Variants in PTPRK observed in about 807,000 individuals in gnomAD.
PTPRK encodes the protein receptor-type tyrosine-protein phosphatase kappa.
A neutral mutation model predicts 178.0 loss-of-function variants in PTPRK; 75 were observed. That is an observed-to-expected ratio of 0.42 (90% CI 0.35 to 0.51). The LOEUF (loss-of-function observed/expected upper bound fraction) is 0.51, where lower values mean the gene tolerates loss of function less well. PTPRK is among the 20% of genes least tolerant of loss of function. The pLI, the probability that PTPRK is intolerant of heterozygous loss-of-function variation, is 0.02. For missense variants in PTPRK, 1,441 were observed against 1,797.8 expected, an observed-to-expected ratio of 0.80 and a Z score of 3.59; for synonymous variants, 637 against 620.6, an observed-to-expected ratio of 1.03 and a Z score of -0.39.
chr6:128,158,410 A>G (rs901956629), intron 7 of PTPRK, among the ~76,000 whole-genome samples: 1 of 151,954 alleles, frequency 6.6e-6, no homozygotes, highest in Non-Finnish European at 1.5e-5. Flanking sequence ...AAAGTATAAT[A>G]ATAAAGAAAA....
intron 13 of PTPRK, among the ~76,000 whole-genome samples, chr6:128,020,739 C>T (rs1773381596): frequency 1.3e-5 from 2 of 152,186 alleles, no homozygotes; most frequent in South Asian, 2.1e-4. Flanking sequence ...TAAAGATGGT[C>T]GACATTTTAA....
rs867371885 is a variant in PTPRK, at chr6:127,991,296, G to A, written c.2977C>T (p.Arg993Trp). ...AAAATTCTTTTTCTTCCTCTTACCCGGCCAACCTCAACTAAATTTGTAACC... is the reference window on the plus strand; with the variant it reads ...AAAATTCTTTTTCTTCCTCTTACCCAGCCAACCTCAACTAAATTTGTAACC... ...VMVTNLVEVG[R>W]VKCYKYWPDD... is the part of the protein sequence containing the mutation. The change falls in exon 20 of 30, where the codon CGG becomes TGG. Residue 993 changes from arginine to tryptophan, a missense_variant and splice_region_variant. Around this residue, in one of 4 missense-constraint regions of PTPRK, gnomAD observed 945 missense variants for 1,080.6 expected, o/e 0.87. Transcript: ENST00000368226. The A allele has an allele frequency of 1.3e-6, 2 of 1,582,712 alleles. No individual in the cohort carries two copies. Among genetic ancestry groups the A allele is most frequent in the Admixed American group, 1.8e-5 (1 of 55,994 alleles).
At chr6:128,126,161 T>C (rs1793340473) in intron 7 of PTPRK, among the ~76,000 whole-genome samples, 3 of 151,902 alleles carry the variant, frequency 2.0e-5, no homozygotes, top group Non-Finnish European at 4.4e-5. Flanking sequence ...CAACCCGTCA[T>C]CTAGGTTTTA....
chr6:128,295,958 C>G (rs34045302), intron 3 of PTPRK, among the ~76,000 whole-genome samples: 1 of 152,072 alleles, frequency 6.6e-6, no homozygotes, highest in Non-Finnish European at 1.5e-5. Flanking sequence ...AGAGTGTGCT[C>G]TAAAGAACAT....
At chr6:127,979,833 A>T (rs1775072114) in intron 25 of PTPRK, among the ~76,000 whole-genome samples, 1 of 152,262 alleles carries the variant, frequency 6.6e-6, no homozygotes, top group Non-Finnish European at 1.5e-5. Context: ...AAATGAAGGC[A>T]GTAAACTGTT....
intron 7 of PTPRK, among the ~76,000 whole-genome samples, chr6:128,148,906 C>G (rs1188042934): frequency 2.0e-5 from 3 of 151,916 alleles, no homozygotes; most frequent in Admixed American, 2.0e-4. Context: ...TTGGTTTATT[C>G]TAGGATCATA....
At chr6:128,384,834 A>T (rs17053278) in intron 2 of PTPRK, among the ~76,000 whole-genome samples, 36 of 151,876 alleles carry the variant, frequency 2.4e-4, no homozygotes, top group African/African-American at 8.2e-4. Context: ...CTCTGTTAAA[A>T]TAACAAATTG....
chr6:128,234,486 C>T (rs972301739), intron 5 of PTPRK, among the ~76,000 whole-genome samples: 2 of 152,162 alleles, frequency 1.3e-5, no homozygotes, highest in Admixed American at 1.3e-4. Context: ...CCAATTAATC[C>T]TTATTCCCCA....
At chr6:128,375,100 T>G (rs1266757240) in intron 2 of PTPRK, among the ~76,000 whole-genome samples, 1 of 146,740 alleles carries the variant, frequency 6.8e-6, no homozygotes, top group Non-Finnish European at 1.5e-5. Context: ...TTATTATTAT[T>G]ATTATCCTTT....
chr6:128,422,695 A>C (rs1159382531), intron 1 of PTPRK, among the ~76,000 whole-genome samples: 2 of 150,946 alleles, frequency 1.3e-5, no homozygotes, highest in Non-Finnish European at 3.0e-5. Flanking sequence ...AAAAAAAAAA[A>C]AAAAAAAAAC....
chr6:128,298,900 T>C (rs1438896239), intron 3 of PTPRK, among the ~76,000 whole-genome samples: 1 of 152,064 alleles, frequency 6.6e-6, no homozygotes, highest in African/African-American at 2.4e-5. Flanking sequence ...AAATAAAGGG[T>C]ATTCAATTAG....
chr6:128,178,510 C>A (rs1473358930), intron 7 of PTPRK, among the ~76,000 whole-genome samples: 1 of 151,738 alleles, frequency 6.6e-6, no homozygotes, highest in Non-Finnish European at 1.5e-5. Flanking sequence ...AAAAGTAATT[C>A]AAACAATAAA....
chr6:127,983,068 T>A (rs1288442493), intron 23 of PTPRK, 88 bp from the exon 24 acceptor site: 1 of 1,392,536 alleles, frequency 7.2e-7, no homozygotes, highest in Non-Finnish European at 9.8e-7. Context: ...AAATTTTCTC[T>A]ATATGGAAAT....
At chr6:128,153,620 T>G (rs1454418001) in intron 7 of PTPRK, among the ~76,000 whole-genome samples, 1 of 151,934 alleles carries the variant, frequency 6.6e-6, no homozygotes, top group Non-Finnish European at 1.5e-5. Context: ...ATCTTTCAAA[T>G]TAACAATGAA....
chr6:127,993,241 C>T (rs1776797902), intron 18 of PTPRK, among the ~76,000 whole-genome samples: 1 of 151,688 alleles, frequency 6.6e-6, no homozygotes, highest in Non-Finnish European at 1.5e-5. Context: ...CAGGGATATG[C>T]AAAAACTATT....
chr6:128,033,678 C>G (rs1358685432), intron 13 of PTPRK, among the ~76,000 whole-genome samples: 2 of 151,984 alleles, frequency 1.3e-5, no homozygotes, highest in African/African-American at 4.8e-5. Flanking sequence ...TTGAGATCAG[C>G]CTGGGCTACG....
At chr6:128,023,756 C>T (rs1249545399) in intron 13 of PTPRK, among the ~76,000 whole-genome samples, 1 of 152,048 alleles carries the variant, frequency 6.6e-6, no homozygotes, top group African/African-American at 2.4e-5. Flanking sequence ...TGGGCTCAAG[C>T]GATCCTCCCA....
At chr6:128,036,786 A>G (rs1261799146) in intron 13 of PTPRK, among the ~76,000 whole-genome samples, 1 of 150,680 alleles carries the variant, frequency 6.6e-6, no homozygotes, top group Non-Finnish European at 1.5e-5. Context: ...CCCAGGCTGG[A>G]GTGCAATGGT....
intron 1 of PTPRK, among the ~76,000 whole-genome samples, chr6:128,418,983 G>C (rs1024977540): frequency 6.6e-5 from 10 of 152,124 alleles, no homozygotes; most frequent in African/African-American, 2.4e-4. Flanking sequence ...AGTCACCTAA[G>C]AGCTATGCCT....
Sources: allele counts gnomAD v4.1 joint callset (sites outside exome capture counted in the v4.1 genomes callset), GRCh38; gene constraint gnomAD v4.1.1; regional missense constraint gnomAD v4.1.1; transcripts MANE v1.5; gene names NCBI Gene and HGNC (gene_info 2026-07-23, HGNC 2026-07-21).